Variants in HCN1 observed in about 807,000 individuals in gnomAD.
HCN1 encodes potassium/sodium hyperpolarization-activated cyclic nucleotide-gated channel 1.
In HCN1, 13 loss-of-function variants were observed where a neutral mutation model predicts 78.9. That is an observed-to-expected ratio of 0.16 (90% CI 0.11 to 0.26). The LOEUF (loss-of-function observed/expected upper bound fraction) is 0.26, where lower values mean the gene tolerates loss of function less well. HCN1 is among the 10% of genes least tolerant of loss of function. HCN1 has a pLI of 1.00. For missense variants in HCN1, 810 were observed against 1,154.3 expected (o/e 0.70, Z 4.32); for synonymous variants, 552 against 455.5 (o/e 1.21, Z -2.70).
Position 45,645,059 on chromosome 5 carries a change from C to T in HCN1, c.849+126G>A, listed in dbSNP as rs1208667286. 7.4e-6 allele frequency: 5 copies of T among 674,518 alleles called. No homozygotes were observed. The East Asian group carries it at 1.1e-4, about 15-fold the overall frequency. The allele number at this position is 674,518 out of a possible 1,614,324, so 41.8% of individuals were successfully genotyped here. The stretch of plus-strand genomic sequence containing the variant: ...ATATCACTTATGCATGGAAAAGAGT[C>T]GTCGAATACATTTTTCTACTTGAAT... On this transcript the variant is annotated intron_variant, in intron 2 of 7. Transcript: ENST00000303230.
At chr5:45,496,273 T>A (rs1315857816) in intron 2 of HCN1, among the ~76,000 whole-genome samples, 1 of 150,012 alleles carries the variant, frequency 6.7e-6, no homozygotes, top group Non-Finnish European at 1.5e-5. Flanking sequence ...TTGCCACAAT[T>A]TCAGAGCCTG....
chr5:45,304,927 A>C (rs1745697637), intron 5 of HCN1, among the ~76,000 whole-genome samples: 1 of 152,170 alleles, frequency 6.6e-6, no homozygotes, highest in African/African-American at 2.4e-5. Flanking sequence ...TGAAAATAGA[A>C]ATATGGAACC....
chr5:45,643,823 G>T (rs1200015002), intron 2 of HCN1: 2 of 152,128 alleles, frequency 1.3e-5, no homozygotes, highest in African/African-American at 4.8e-5. Context: ...TTATTAGCAA[G>T]AATCATCTTG....
At chr5:45,454,260 C>G (rs1446405648) in intron 3 of HCN1, among the ~76,000 whole-genome samples, 1 of 151,920 alleles carries the variant, frequency 6.6e-6, no homozygotes, top group African/African-American at 2.4e-5. Flanking sequence ...GTATGTGAAC[C>G]CTTTCCCTTT....
intron 1 of HCN1, among the ~76,000 whole-genome samples, chr5:45,655,343 A>C (rs1219256922): frequency 6.6e-6 from 1 of 152,138 alleles, no homozygotes; most frequent in Non-Finnish European, 1.5e-5. Context: ...ACCTTGTCTA[A>C]GTTTGAAAAG....
chr5:45,367,333 G>T (rs1747257542), intron 4 of HCN1, among the ~76,000 whole-genome samples: 1 of 151,354 alleles, frequency 6.6e-6, no homozygotes. Context: ...GATTTCAAAA[G>T]AATTACACAC....
At chr5:45,516,900 C>T (rs1259342825) in intron 2 of HCN1, among the ~76,000 whole-genome samples, 1 of 149,410 alleles carries the variant, frequency 6.7e-6, no homozygotes. Flanking sequence ...TAGATGTTAA[C>T]TTATTAGTTA....
At chr5:45,373,290 T>A (rs1428217503) in intron 4 of HCN1, among the ~76,000 whole-genome samples, 2 of 119,372 alleles carry the variant, frequency 1.7e-5, no homozygotes, top group African/African-American at 6.8e-5. Flanking sequence ...TATTATATAT[T>A]ATATATATTT....
intron 2 of HCN1, among the ~76,000 whole-genome samples, chr5:45,593,052 CA>C (rs1744406999): frequency 6.6e-6 from 1 of 151,860 alleles, no homozygotes; most frequent in Non-Finnish European, 1.5e-5. Flanking sequence ...TTTATTTTTC[CA>C]AAAGGATAAC....
chr5:45,325,649 A>T (rs1746220647), intron 5 of HCN1, among the ~76,000 whole-genome samples: 1 of 151,682 alleles, frequency 6.6e-6, no homozygotes, highest in Non-Finnish European at 1.5e-5. Flanking sequence ...TTGTCTTCTA[A>T]ATTGCAAGAT....
intron 5 of HCN1, among the ~76,000 whole-genome samples, chr5:45,314,805 A>C (rs1285017904): frequency 6.6e-6 from 1 of 152,192 alleles, no homozygotes; most frequent in African/African-American, 2.4e-5. Flanking sequence ...CAAAGATCAA[A>C]AGAGACAAAG....
At chr5:45,670,762 A>G (rs1016529427) in intron 1 of HCN1, among the ~76,000 whole-genome samples, 1 of 151,650 alleles carries the variant, frequency 6.6e-6, no homozygotes, top group Non-Finnish European at 1.5e-5. Flanking sequence ...TTCAATGCAT[A>G]TTTTTCAAAG....
At chr5:45,305,926 T>TA (rs1745726038) in intron 5 of HCN1, among the ~76,000 whole-genome samples, 1 of 151,958 alleles carries the variant, frequency 6.6e-6, no homozygotes, top group Admixed American at 6.6e-5. Flanking sequence ...TCATAAAGAC[T>TA]AATTTTCTCG....
intron 5 of HCN1, among the ~76,000 whole-genome samples, chr5:45,338,646 G>T (rs1462373609): frequency 6.6e-6 from 1 of 152,068 alleles, no homozygotes; most frequent in Non-Finnish European, 1.5e-5. Context: ...ACACACCTTT[G>T]CCTAAGTTGA....
At chr5:45,420,258 AT>A (rs767782613) in intron 3 of HCN1, among the ~76,000 whole-genome samples, 1 of 152,098 alleles carries the variant, frequency 6.6e-6, no homozygotes, top group Non-Finnish European at 1.5e-5. Context: ...CACACTACTG[AT>A]TGCTTTATCA....
At chr5:45,374,651 C>A (rs2112015193) in intron 4 of HCN1, among the ~76,000 whole-genome samples, 1 of 150,384 alleles carries the variant, frequency 6.6e-6, no homozygotes, top group East Asian at 1.9e-4. Flanking sequence ...TTCTATGAGG[C>A]CAGCATCATC....
chr5:45,327,179 G>C (rs1017164576), intron 5 of HCN1, among the ~76,000 whole-genome samples: 1 of 151,496 alleles, frequency 6.6e-6, no homozygotes, highest in South Asian at 2.1e-4. Context: ...TTGCCCAATA[G>C]GAGTTAAGTC....
intron 5 of HCN1, among the ~76,000 whole-genome samples, chr5:45,305,058 G>A (rs1372822451): frequency 6.6e-6 from 1 of 152,054 alleles, no homozygotes; most frequent in Non-Finnish European, 1.5e-5. Context: ...AAAAAAGGTT[G>A]GGACTGCATT....
chr5:45,298,189 T>G (rs1465525042), intron 6 of HCN1, among the ~76,000 whole-genome samples: 1 of 152,024 alleles, frequency 6.6e-6, no homozygotes, highest in African/African-American at 2.4e-5. Context: ...CTTTATGAAC[T>G]GATTTATCCA....
Sources: gnomAD v4.1 joint callset for allele counts (sites outside exome capture counted in the v4.1 genomes callset) on GRCh38, gnomAD v4.1.1 for gene constraint, MANE v1.5 for transcripts, NCBI Gene and HGNC (gene_info 2026-07-23, HGNC 2026-07-21) for gene names.